Variants in SLC14A2 observed in about 807,000 individuals in gnomAD.
SLC14A2 encodes the protein urea transporter 2.
Under a neutral mutation model 104.6 loss-of-function variants are expected in SLC14A2, and 91 were observed. The ratio of observed to expected loss-of-function variants is 0.87; its 90% CI spans 0.73 to 1.04. SLC14A2 has a LOEUF of 1.04. Ranked by LOEUF, SLC14A2 falls within the 50% of genes least tolerant of loss-of-function variation. The probability of loss-of-function intolerance (pLI) is 0.00; values close to 1 mark genes in which losing one functional copy is unlikely to be tolerated. For missense variants in SLC14A2, 1,189 were observed against 1,156.0 expected, an observed-to-expected ratio of 1.03 and a Z score of -0.41; for synonymous variants, 476 against 466.4, an observed-to-expected ratio of 1.02 and a Z score of -0.27.
intron 1 of SLC14A2, among the ~76,000 whole-genome samples, chr18:45,378,383 A>G (rs1310592214): frequency 6.6e-6 from 1 of 152,184 alleles, no homozygotes; most frequent in Non-Finnish European, 1.5e-5. Context: ...GTTATAGCAC[A>G]GTTAACATTT....
At chr18:45,551,310 A>G (rs2044052258) in intron 2 of SLC14A2, among the ~76,000 whole-genome samples, 2 of 152,342 alleles carry the variant, frequency 1.3e-5, no homozygotes, top group Admixed American at 1.3e-4. Flanking sequence ...GCACATGGGT[A>G]AAAATAATTC....
intron 5 of SLC14A2, among the ~76,000 whole-genome samples, chr18:45,634,464 GT>G (rs1568307011): frequency 6.6e-6 from 1 of 152,250 alleles, no homozygotes; most frequent in Admixed American, 6.5e-5. Flanking sequence ...CCAGACATGT[GT>G]GCTCAGGGAA....
chr18:45,587,597 G>A (rs2044585988), intron 2 of SLC14A2, among the ~76,000 whole-genome samples: 1 of 152,162 alleles, frequency 6.6e-6, no homozygotes, highest in Non-Finnish European at 1.5e-5. Context: ...CTGAGATACA[G>A]AACCTTTCAA....
At position 45,252,701 on chromosome 18, in the gene SLC14A2, T is replaced by C. The variant is rs2084435411; in HGVS notation, c.-125+39510T>C. 2.6e-5 allele frequency among the ~76,000 whole-genome samples: 4 copies of C among 152,022 alleles called. No homozygotes were observed. In the South Asian group the frequency reaches 8.3e-4, roughly 32 times the overall value. On this transcript the variant is annotated intron_variant, in intron 1 of 20. Transcript: ENST00000586448. ...TTCAAACTTGAGAAAGCTCAGACTCTCTACAAACTCAATTTGAGAGACATT... is the reference window on the plus strand; with the variant it reads ...TTCAAACTTGAGAAAGCTCAGACTCCCTACAAACTCAATTTGAGAGACATT...
At chr18:45,637,266 T>G (rs2045434014) in intron 6 of SLC14A2, 84 bp downstream of exon 6, 1 of 1,068,040 alleles carries the variant, frequency 9.4e-7, no homozygotes, top group East Asian at 2.4e-5. Flanking sequence ...CTATCCATGC[T>G]CTCAACTTCT....
chr18:45,185,256 A>G, the SLC14A2 span, among the ~76,000 whole-genome samples: 1 of 152,214 alleles, frequency 6.6e-6, no homozygotes, highest in East Asian at 1.9e-4. Context: ...TGTTCTGCAT[A>G]GGGATATTTT....
At chr18:45,650,172 C>T (rs534865238) in intron 10 of SLC14A2, among the ~76,000 whole-genome samples, 1 of 1,160 alleles carries the variant, frequency 8.6e-4, no homozygotes, top group African/African-American at 3.8e-3. Flanking sequence ...ATTTGACCTT[C>T]CATTTGACCA....
chr18:45,428,324 A>C (rs1024091204), intron 1 of SLC14A2, among the ~76,000 whole-genome samples: 4 of 152,242 alleles, frequency 2.6e-5, no homozygotes, highest in Non-Finnish European at 2.9e-5. Flanking sequence ...TTTCAAGGGC[A>C]TGGTGTCACT....
chr18:45,673,912 T>G (rs1599163806), intron 18 of SLC14A2, 95 bp downstream of exon 18: 1 of 1,246,124 alleles, frequency 8.0e-7, no homozygotes. Flanking sequence ...TAGTAATTAA[T>G]AGATTAAACA....
At chr18:45,357,371 G>T (rs144424740) in intron 1 of SLC14A2, among the ~76,000 whole-genome samples, 3 of 151,882 alleles carry the variant, frequency 2.0e-5, no homozygotes, top group Non-Finnish European at 4.4e-5. Flanking sequence ...TAGCAATTTG[G>T]GAGACTGAGG....
intron 1 of SLC14A2, among the ~76,000 whole-genome samples, chr18:45,332,188 G>T (rs2085297079): frequency 6.6e-6 from 1 of 152,078 alleles, no homozygotes; most frequent in African/African-American, 2.4e-5. Context: ...AATCAGTTCT[G>T]GTTTCAAATA....
chr18:45,652,138 C>G (rs1011784763), intron 10 of SLC14A2, among the ~76,000 whole-genome samples: 8 of 152,234 alleles, frequency 5.3e-5, no homozygotes, highest in African/African-American at 1.7e-4. Flanking sequence ...GGCCTGAGGA[C>G]AGCTCTAATC....
chr18:45,638,755 A>G (rs1340987459), intron 6 of SLC14A2, among the ~76,000 whole-genome samples: 1 of 152,210 alleles, frequency 6.6e-6, no homozygotes, highest in Non-Finnish European at 1.5e-5. Flanking sequence ...CAATGGTGAA[A>G]AGAACTACAG....
rs184477432 is a variant in SLC14A2 at position 45,606,101 on chromosome 18, G to A, written c.-34-18530G>A. Reference sequence around the variant, plus strand: ...GTGATGAGGAAGTATCAAGTTGGGGGAAGGAGAAACAGCCCCTTTTAATCA... The same window carrying A: ...GTGATGAGGAAGTATCAAGTTGGGGAAAGGAGAAACAGCCCCTTTTAATCA... On this transcript the variant is annotated intron_variant, in intron 2 of 20. Coordinates refer to the SLC14A2 transcript ENST00000586448. Among the ~76,000 whole-genome samples, 12 of 152,224 alleles carry A rather than the reference G, an allele frequency of 7.9e-5. No homozygotes were observed. In the East Asian group the frequency reaches 2.1e-3, roughly 27 times the overall value.
intron 1 of SLC14A2, among the ~76,000 whole-genome samples, chr18:45,318,902 C>G (rs1487198293): frequency 2.0e-5 from 3 of 152,136 alleles, no homozygotes; most frequent in Non-Finnish European, 2.9e-5. Flanking sequence ...AAATGCGCCA[C>G]CAGATTCGGA....
intron 1 of SLC14A2, among the ~76,000 whole-genome samples, chr18:45,326,937 G>A (rs1008956329): frequency 7.2e-5 from 11 of 152,118 alleles, no homozygotes; most frequent in Non-Finnish European, 1.3e-4. Context: ...ACAACAGCTA[G>A]GACTTCACAG....
At chr18:45,177,582 A>T in the SLC14A2 span, among the ~76,000 whole-genome samples, 1 of 152,128 alleles carries the variant, frequency 6.6e-6, no homozygotes, top group South Asian at 2.1e-4. Context: ...ATTCTTTTGA[A>T]TAACTCCCAT....
chr18:45,488,252 G>A (rs916779735), intron 2 of SLC14A2, among the ~76,000 whole-genome samples: 8 of 152,146 alleles, frequency 5.3e-5, no homozygotes, highest in African/African-American at 1.7e-4. Flanking sequence ...GTTGGATATG[G>A]TGTGGACCCC....
At chr18:45,341,741 A>G (rs2085398585) in intron 1 of SLC14A2, among the ~76,000 whole-genome samples, 1 of 150,768 alleles carries the variant, frequency 6.6e-6, no homozygotes. Flanking sequence ...TATAGGTGCC[A>G]CCACACCTGG....
Sources: gnomAD v4.1 joint callset for allele counts (sites outside exome capture counted in the v4.1 genomes callset) on GRCh38, gnomAD v4.1.1 for gene constraint, MANE v1.5 for transcripts, NCBI Gene and HGNC (gene_info 2026-07-23, HGNC 2026-07-21) for gene names.